The following PLSCR5 variants were observed in gnomAD, a reference collection of about 807,000 sequenced individuals.
The protein encoded by PLSCR5 is phospholipid scramblase family, member 5.
Under a neutral mutation model 33.6 loss-of-function variants are expected in PLSCR5, and 44 were observed. The observed-to-expected ratio is 1.31, with a 90% confidence interval of 1.03 to 1.69. The LOEUF is 1.69. Among genes scored for constraint, PLSCR5 ranks in the 40% most tolerant of loss-of-function variants. The pLI is 0.00. For synonymous variants in PLSCR5, 148 were observed against 112.3 expected, an observed-to-expected ratio of 1.32 and a Z score of -2.01; for missense variants, 375 against 318.7, an observed-to-expected ratio of 1.18 and a Z score of -1.34.
At chr3:146,588,688 A>G (rs576877016) in intron 6 of PLSCR5, among the ~76,000 whole-genome samples, 13 of 152,144 alleles carry the variant, frequency 8.5e-5, no homozygotes, top group South Asian at 6.2e-4. Flanking sequence ...CATTATGCAA[A>G]TCAGTGCAAA....
chr3:146,599,969 G>C (rs985458971), intron 2 of PLSCR5, among the ~76,000 whole-genome samples: 5 of 151,970 alleles, frequency 3.3e-5, no homozygotes, highest in African/African-American at 1.2e-4. Flanking sequence ...TGGCATATTA[G>C]ACAATTTCTT....
At chr3:146,582,008 T>C (rs2044635642), downstream of PLSCR5, among the ~76,000 whole-genome samples, 1 of 152,236 alleles carries the variant, frequency 6.6e-6, no homozygotes, top group African/African-American at 2.4e-5. Context: ...CATCTCTTTT[T>C]GAAAGACTTA....
intron 7 of PLSCR5, among the ~76,000 whole-genome samples, chr3:146,578,660 G>A (rs183264767): frequency 6.6e-6 from 1 of 152,142 alleles, no homozygotes; most frequent in Admixed American, 6.5e-5. Flanking sequence ...GGAATCAGAT[G>A]AGAAATGTTT....
rs2044618295 is a variant in PLSCR5 at position 146,579,260 on chromosome 3, G to C, written c.*45-2535C>G. Reference sequence around the variant, plus strand: ...GAAATGATAAAAATCAAAGTGTATAGAAAGGAAAAAATGCTTAATTTGAAA... The same window carrying C: ...GAAATGATAAAAATCAAAGTGTATACAAAGGAAAAAATGCTTAATTTGAAA... On this transcript the variant is annotated intron_variant, in intron 7 of 7. Transcript: ENST00000482567. Among the ~76,000 whole-genome samples, 8 of 151,990 alleles carry C rather than the reference G, an allele frequency of 5.3e-5. No individual in the cohort carries two copies. In the South Asian group the frequency reaches 1.7e-3, roughly 32 times the overall value.
Position 146,594,063 on chromosome 3 carries a change from C to T in PLSCR5, c.310G>A (p.Glu104Lys). Residue 104 changes from glutamate (E) to lysine (K), a missense_variant, in exon 4 of 8, where the codon GAA (glutamate) becomes AAA (lysine). Transcript: ENST00000443512. ...LGQRIYFAVE[E>K]SICFNRTFCS... Reference sequence around the variant, plus strand: ...AAAGTACGATTGAAGCAGATGCTTTCCTCCACTGCAAAGTAAATTCTTTGT... The same window carrying T: ...AAAGTACGATTGAAGCAGATGCTTTTCTCCACTGCAAAGTAAATTCTTTGT... 6.2e-7 allele frequency: 1 copy of T among 1,613,728 alleles called. No homozygotes were observed. The highest frequency in any genetic ancestry group is 1.1e-5 in the South Asian group (1 of 91,074).
Position 146,595,061 on chromosome 3 carries a change from TG to T in PLSCR5, c.211del (p.Gln71SerfsTer8). The T allele has an allele frequency of 1.4e-6, 2 of 1,435,188 alleles. No homozygotes were observed. The highest frequency in any genetic ancestry group is 1.6e-5 in the South Asian group (1 of 61,524). The allele number at this position is 1,435,188 out of a possible 1,614,324, so 88.9% of individuals were successfully genotyped here. A position where few individuals can be genotyped will look rare whatever the true frequency, so the allele number is the denominator to read the frequency against. ...LSQLDLIIIH[Q>X]QVELLGMILG... ...CTTACTTCCAAGCAGCTCCACCTGCTGGTGTATAATTATCAGGTCTAACTGT... is the reference window on the plus strand; with the variant it reads ...CTTACTTCCAAGCAGCTCCACCTGCTGTGTATAATTATCAGGTCTAACTGT... On this transcript the variant is annotated frameshift_variant, in exon 3 of 8. Coordinates refer to ENST00000443512, the MANE Select transcript of PLSCR5 (RefSeq NM_001085420.2). LOFTEE classifies it high-confidence loss of function.
chr3:146,591,674 A>G, intron 5 of PLSCR5, 46 bp downstream of exon 5: 1 of 1,546,100 alleles, frequency 6.5e-7, no homozygotes, highest in Non-Finnish European at 8.7e-7. Context: ...GTTGCAAAAA[A>G]AAATCAGGAC....
At chr3:146,600,094 A>C (rs1056204771) in intron 2 of PLSCR5, among the ~76,000 whole-genome samples, 194 bp downstream of exon 2, 2 of 152,248 alleles carry the variant, frequency 1.3e-5, no homozygotes, top group African/African-American at 4.8e-5. Context: ...AGATAAAAGT[A>C]GTAATAAGAT....
intron 2 of PLSCR5, among the ~76,000 whole-genome samples, chr3:146,600,062 C>T (rs1240167819): frequency 6.6e-6 from 1 of 152,054 alleles, no homozygotes; most frequent in Non-Finnish European, 1.5e-5. Flanking sequence ...TTAGTCTCAT[C>T]ATTCTGTCAA....
At chr3:146,601,986 G>A (rs1325927508) in intron 1 of PLSCR5, among the ~76,000 whole-genome samples, 2 of 151,904 alleles carry the variant, frequency 1.3e-5, no homozygotes. Flanking sequence ...TATTAGTGTA[G>A]GGCCATTAAG....
chr3:146,583,822 C>G (rs988077808), downstream of PLSCR5, among the ~76,000 whole-genome samples: 5 of 152,116 alleles, frequency 3.3e-5, no homozygotes, highest in African/African-American at 1.2e-4. Context: ...AAAAAAGTCT[C>G]CAAAGCAGTT....
intron 2 of PLSCR5, among the ~76,000 whole-genome samples, chr3:146,597,588 G>A (rs1325079740): frequency 6.6e-6 from 1 of 152,154 alleles, no homozygotes; most frequent in Non-Finnish European, 1.5e-5. Flanking sequence ...TAAGGGAGTT[G>A]TTTGTTTTAG....
chr3:146,579,944 T>C (rs1420179585), intron 7 of PLSCR5, among the ~76,000 whole-genome samples: 1 of 152,180 alleles, frequency 6.6e-6, no homozygotes, highest in African/African-American at 2.4e-5. Flanking sequence ...TGTGCCTTTG[T>C]TTGTGCTGTG....
At chr3:146,581,279 T>C (rs2044631405), downstream of PLSCR5, among the ~76,000 whole-genome samples, 1 of 152,226 alleles carries the variant, frequency 6.6e-6, no homozygotes, top group Admixed American at 6.5e-5. Flanking sequence ...AAGTAATAAG[T>C]TCAGCTTATT....
rs565076130 is a variant in PLSCR5 at position 146,592,267 on chromosome 3, A to T, written c.454-386T>A. On this transcript the variant is annotated intron_variant, in intron 4 of 7. Coordinates refer to ENST00000443512, the MANE Select transcript of PLSCR5 (RefSeq NM_001085420.2). ...TACTCCTTTTAATTGTAGCCACAAC[A>T]CACATCTATTTTAAGTCTCCTTTAT... Among the ~76,000 whole-genome samples the T allele has an allele frequency of 3.9e-5, 6 of 152,136 alleles. No individual in the cohort carries two copies. The East Asian group carries it at 1.2e-3, about 29-fold the overall frequency.
intron 6 of PLSCR5, 24 bp downstream of exon 6, chr3:146,589,629 C>T: frequency 6.6e-7 from 1 of 1,515,952 alleles, no homozygotes; most frequent in South Asian, 1.2e-5. Flanking sequence ...ACAAATCACT[C>T]ATGCTCTCAA....
chr3:146,594,302 C>T (rs1044504116), intron 3 of PLSCR5, among the ~76,000 whole-genome samples, 162 bp from the exon 4 acceptor site: 7 of 151,972 alleles, frequency 4.6e-5, no homozygotes, highest in African/African-American at 1.7e-4. Context: ...ATTTTTAGGA[C>T]TTAGCCATGG....
At chr3:146,579,629 G>A (rs143859806) in intron 7 of PLSCR5, among the ~76,000 whole-genome samples, 202 of 152,220 alleles carry the variant, frequency 1.3e-3, no homozygotes, top group Middle Eastern at 0.01. Flanking sequence ...TATGGCTTCG[G>A]AAAGATATTG....
chr3:146,591,677 AT>A (rs764560550), intron 5 of PLSCR5, 42 bp downstream of exon 5: 3 of 1,554,318 alleles, frequency 1.9e-6, no homozygotes, highest in Non-Finnish European at 2.6e-6. Flanking sequence ...GCAAAAAAAA[AT>A]CAGGACCTAA....
Sources: allele counts gnomAD v4.1 joint callset (sites outside exome capture counted in the v4.1 genomes callset), GRCh38; gene constraint gnomAD v4.1.1; transcripts MANE v1.5; gene names NCBI Gene and HGNC (gene_info 2026-07-23, HGNC 2026-07-21).